MIPOL1: variants seen among roughly 807,000 people sequenced by gnomAD.
The protein encoded by MIPOL1 is mirror-image polydactyly 1, also known as mirror-image polydactyly gene 1 protein.
MIPOL1 carries 57 observed loss-of-function variants against 60.9 expected under a neutral mutation model. That is an observed-to-expected ratio of 0.94 (90% confidence interval 0.76 to 1.17). MIPOL1 has a LOEUF of 1.17. Ranked by LOEUF, MIPOL1 falls within the 50% of genes most tolerant of loss-of-function variation. MIPOL1 has a pLI of 0.00. For synonymous variants in MIPOL1, 179 were observed against 168.8 expected, an observed-to-expected ratio of 1.06 and a Z score of -0.47; for missense variants, 551 against 511.6, an observed-to-expected ratio of 1.08 and a Z score of -0.74.
intron 10 of MIPOL1, among the ~76,000 whole-genome samples, chr14:37,383,033 A>G (rs773152799): frequency 2.0e-5 from 3 of 151,798 alleles, no homozygotes; most frequent in Non-Finnish European, 4.4e-5. Context: ...CTTCAGATGA[A>G]TGTCACCCTC....
chr14:37,382,974 A>AT (rs563210563), intron 10 of MIPOL1, among the ~76,000 whole-genome samples: 1 of 151,232 alleles, frequency 6.6e-6, no homozygotes, highest in Non-Finnish European at 1.5e-5. Flanking sequence ...TTTATATTAA[A>AT]TTTTTTTTTA....
At chr14:37,263,118 GC>G (rs2082626657) in intron 3 of MIPOL1, among the ~76,000 whole-genome samples, 1 of 152,160 alleles carries the variant, frequency 6.6e-6, no homozygotes, top group Non-Finnish European at 1.5e-5. Context: ...GAATCTCAAA[GC>G]TTTCTTTCCT....
chr14:37,247,802 A>C (rs191887503), intron 2 of MIPOL1, 27 bp from the exon 3 acceptor site: 182 of 1,346,574 alleles, frequency 1.4e-4, no homozygotes, highest in Admixed American at 3.7e-4. Context: ...TTTTCAGTTT[A>C]TTTATCTAGA....
intron 11 of MIPOL1, among the ~76,000 whole-genome samples, chr14:37,484,286 C>G (rs1434777239): frequency 6.7e-6 from 1 of 149,020 alleles, no homozygotes. Context: ...TTTTTTAGCT[C>G]TATCCTCTTC....
chr14:37,239,004 C>T (rs1971936600), intron 1 of MIPOL1, among the ~76,000 whole-genome samples: 1 of 150,356 alleles, frequency 6.7e-6, no homozygotes, highest in South Asian at 2.1e-4. Context: ...GAAAAGTCAT[C>T]AGTGTCTTTT....
At chr14:37,419,140 C>A (rs2093824391) in intron 10 of MIPOL1, among the ~76,000 whole-genome samples, 1 of 152,082 alleles carries the variant, frequency 6.6e-6, no homozygotes, top group Non-Finnish European at 1.5e-5. Context: ...GTGATACATT[C>A]ATACAATTGA....
intron 11 of MIPOL1, among the ~76,000 whole-genome samples, chr14:37,440,930 T>C (rs544260142): frequency 6.6e-6 from 1 of 152,322 alleles, no homozygotes; most frequent in Admixed American, 6.5e-5. Flanking sequence ...TGTTATTTTC[T>C]GACTTTCTAA....
chr14:37,434,111 G>A (rs1449591693), intron 11 of MIPOL1, among the ~76,000 whole-genome samples: 1 of 152,142 alleles, frequency 6.6e-6, no homozygotes, highest in African/African-American at 2.4e-5. Context: ...TCACCACACT[G>A]TTTTCCAAAA....
chr14:37,226,178 T>G (rs1478423558), intron 1 of MIPOL1, among the ~76,000 whole-genome samples: 1 of 152,192 alleles, frequency 6.6e-6, no homozygotes, highest in African/African-American at 2.4e-5. Context: ...CCCTGCAAAC[T>G]GTTCCAACCC....
At position 37,351,891 on chromosome 14, in the gene MIPOL1, T is replaced by C. The variant is rs1428055549; in HGVS notation, c.829-17626T>C. ...TCACTCTGATGGTAGTTTCTCTTGC[T>C]GTGCAGAAGCTCTTTAATTAGATCC... On this transcript the variant is annotated intron_variant, in intron 9 of 12. Transcript: ENST00000684589. 4.2e-4 allele frequency among the ~76,000 whole-genome samples: 64 copies of C among 151,794 alleles called. No individual in the cohort carries two copies. In the East Asian group the frequency reaches 0.011, roughly 27 times the overall value.
chr14:37,224,239 C>A lies in MIPOL1; in HGVS notation c.-198-22864C>A, dbSNP rs150046690. Among the ~76,000 whole-genome samples the A allele has an allele frequency of 2.8e-3, 429 of 152,154 alleles. 3 individuals carry two copies. Among genetic ancestry groups the A allele is most frequent in the African/African-American group, 0.01 (417 of 41,512 alleles). On this transcript the variant is annotated intron_variant, in intron 1 of 12. Coordinates refer to ENST00000684589, the MANE Select transcript of MIPOL1 (RefSeq NM_001388067.1). ...TCATGTCTGTAATCCCGGCACTTTG[C>A]GAGGCTGAGGTGGGAGGATTGCTTG... is the stretch of plus-strand genomic sequence containing the variant.
intron 9 of MIPOL1, among the ~76,000 whole-genome samples, chr14:37,309,844 G>T (rs1485566121): frequency 6.6e-6 from 1 of 151,876 alleles, no homozygotes; most frequent in Non-Finnish European, 1.5e-5. Context: ...GCGCCACCAA[G>T]CCCAGCTAAT....
intron 9 of MIPOL1, among the ~76,000 whole-genome samples, chr14:37,332,248 T>G (rs2089757667): frequency 6.6e-6 from 1 of 152,224 alleles, no homozygotes; most frequent in African/African-American, 2.4e-5. Context: ...CCTAGTTTGT[T>G]GATAGTTTTT....
intron 11 of MIPOL1, among the ~76,000 whole-genome samples, chr14:37,467,886 T>C (rs2094621429): frequency 6.6e-6 from 1 of 151,850 alleles, no homozygotes; most frequent in Non-Finnish European, 1.5e-5. Context: ...AAAAGCCGTC[T>C]CTACTAAAAA....
chr14:37,267,819 C>T (rs1241830730), intron 4 of MIPOL1, among the ~76,000 whole-genome samples: 2 of 152,132 alleles, frequency 1.3e-5, no homozygotes, highest in East Asian at 3.9e-4. Flanking sequence ...ACTGGCAGCT[C>T]CAGGACAAGG....
intron 10 of MIPOL1, among the ~76,000 whole-genome samples, chr14:37,373,852 ATGTGTCT>A (rs2092705803): frequency 6.6e-6 from 1 of 152,168 alleles, no homozygotes; most frequent in Non-Finnish European, 1.5e-5. Context: ...ATAAGTGTGC[ATGTGTCT>A]TTATAGTAGA....
At position 37,201,452 on chromosome 14, in the gene MIPOL1, A is replaced by G. The variant is rs867452650; in HGVS notation, c.-199+3348A>G. Among the ~76,000 whole-genome samples, 19 of 152,344 alleles carry G rather than the reference A, an allele frequency of 1.2e-4. No homozygotes were observed. The South Asian group carries it at 1.9e-3, about 15-fold the overall frequency. Reference sequence around the variant, plus strand: ...TATTATTTAAAAGGCTAGGAAAGAAAAGGATGAATGTCTAGACAGTTCTGG... The same window carrying G: ...TATTATTTAAAAGGCTAGGAAAGAAGAGGATGAATGTCTAGACAGTTCTGG... On this transcript the variant is annotated intron_variant, in intron 1 of 12. Transcript: ENST00000684589.
chr14:37,430,356 G>A (rs1273367364), intron 11 of MIPOL1, among the ~76,000 whole-genome samples: 1 of 151,970 alleles, frequency 6.6e-6, no homozygotes, highest in Non-Finnish European at 1.5e-5. Flanking sequence ...AACATTTAAA[G>A]TCAAACAGTC....
In MIPOL1 at chr14:37,218,068, T is replaced by G. The variant is rs887544565; in HGVS notation, c.-199+19964T>G. 2.6e-5 allele frequency among the ~76,000 whole-genome samples: 4 copies of G among 152,306 alleles called. No individual in the cohort carries two copies. In the South Asian group the frequency reaches 8.3e-4, roughly 32 times the overall value. On this transcript the variant is annotated intron_variant, in intron 1 of 12. Coordinates refer to ENST00000684589, the MANE Select transcript of MIPOL1 (RefSeq NM_001388067.1). ...TTTAGAACGATGGGTTATTTGGGAT[T>G]GTTTAAGGATTTTTCAGCTTATCTT... is the stretch of plus-strand genomic sequence containing the variant.
Sources: gnomAD v4.1 joint callset for allele counts (sites outside exome capture counted in the v4.1 genomes callset) on GRCh38, gnomAD v4.1.1 for gene constraint, MANE v1.5 for transcripts, NCBI Gene and HGNC (gene_info 2026-07-23, HGNC 2026-07-21) for gene names.